LYPD6: variants seen among roughly 807,000 people sequenced by gnomAD.
LYPD6 encodes the protein ly6/PLAUR domain-containing protein 6.
Under a neutral mutation model 22.7 loss-of-function variants are expected in LYPD6, and 15 were observed. The ratio of observed to expected loss-of-function variants is 0.66; its 90% CI spans 0.44 to 1.02. The LOEUF (loss-of-function observed/expected upper bound fraction) is 1.02, where lower values mean the gene tolerates loss of function less well. LYPD6 is among the 50% of genes least tolerant of loss of function. The pLI, the probability that LYPD6 is intolerant of heterozygous loss-of-function variation, is 0.00. For missense variants in LYPD6, 189 were observed against 208.4 expected, an observed-to-expected ratio of 0.91 and a Z score of 0.57; for synonymous variants, 72 against 77.5, an observed-to-expected ratio of 0.93 and a Z score of 0.37.
chr2:149,388,126 A>C (rs1406459657), intron 1 of LYPD6, among the ~76,000 whole-genome samples: 1 of 151,892 alleles, frequency 6.6e-6, no homozygotes, highest in East Asian at 1.9e-4. Flanking sequence ...TAGTAACCTA[A>C]ATTTCATTTA....
intron 1 of LYPD6, among the ~76,000 whole-genome samples, chr2:149,418,344 C>T (rs1360366599): frequency 6.6e-6 from 1 of 152,040 alleles, no homozygotes; most frequent in African/African-American, 2.4e-5. Context: ...GGAGTTTATT[C>T]TAAGAAAATA....
chr2:149,366,736 G>T (rs755572558), intron 1 of LYPD6, among the ~76,000 whole-genome samples: 1 of 152,136 alleles, frequency 6.6e-6, no homozygotes, highest in African/African-American at 2.4e-5. Flanking sequence ...CCTATTTATA[G>T]AAGTCAGAAT....
chr2:149,477,309 A>G (rs1681461147), downstream of LYPD6, among the ~76,000 whole-genome samples: 1 of 152,050 alleles, frequency 6.6e-6, no homozygotes. Context: ...CCTTTCTTTA[A>G]AGTCAGATCA....
At chr2:149,366,032 T>C (rs1681655094) in intron 1 of LYPD6, among the ~76,000 whole-genome samples, 1 of 152,324 alleles carries the variant, frequency 6.6e-6, no homozygotes, top group East Asian at 1.9e-4. Context: ...AACTAATGAC[T>C]TACAAGGAAG....
At chr2:149,435,715 A>G (rs1406129132) in intron 1 of LYPD6, among the ~76,000 whole-genome samples, 2 of 152,208 alleles carry the variant, frequency 1.3e-5, no homozygotes, top group Non-Finnish European at 2.9e-5. Flanking sequence ...CCTGGCAGTC[A>G]CATTTATTAA....
intron 1 of LYPD6, among the ~76,000 whole-genome samples, chr2:149,431,356 A>G (rs746910825): frequency 1.1e-3 from 163 of 152,352 alleles, no homozygotes; most frequent in Middle Eastern, 0.01. Context: ...AAGACTTCAT[A>G]TCATCTGAAC....
At chr2:149,363,524 A>C (rs1285962390) in intron 1 of LYPD6, among the ~76,000 whole-genome samples, 1 of 152,136 alleles carries the variant, frequency 6.6e-6, no homozygotes, top group African/African-American at 2.4e-5. Context: ...TATGCAATTT[A>C]TGTGTGCTGT....
Position 149,430,090 on chromosome 2 carries a change from G to A in LYPD6, c.-71-7548G>A, listed in dbSNP as rs190662057. Among the ~76,000 whole-genome samples the A allele has an allele frequency of 6.6e-4, 100 of 152,044 alleles. 1 individual carries two copies. Among genetic ancestry groups the A allele is most frequent in the African/African-American group, 2.3e-3 (94 of 41,470 alleles). The stretch of plus-strand genomic sequence containing the variant: ...TCAATGGAGACATGTGAAAGAATTC[G>A]CAATTGTATTTATTTATTTATTTAT... On this transcript the variant is annotated intron_variant, in intron 1 of 4. Transcript: ENST00000334166.
At chr2:149,357,345 A>G (rs1239209742) in intron 1 of LYPD6, among the ~76,000 whole-genome samples, 2 of 151,408 alleles carry the variant, frequency 1.3e-5, no homozygotes, top group Non-Finnish European at 2.9e-5. Flanking sequence ...GAGGATTTGG[A>G]CACATAGTCT....
chr2:149,463,950 C>G (rs761493772), intron 3 of LYPD6, among the ~76,000 whole-genome samples: 7 of 151,854 alleles, frequency 4.6e-5, no homozygotes, highest in Non-Finnish European at 1.0e-4. Flanking sequence ...AGTTCTGTAT[C>G]TTGATTGGGT....
At chr2:149,406,857 G>A (rs1418047233) in intron 1 of LYPD6, among the ~76,000 whole-genome samples, 1 of 151,612 alleles carries the variant, frequency 6.6e-6, no homozygotes, top group African/African-American at 2.4e-5. Context: ...GCATGATTTT[G>A]CAGTGGCTGG....
intron 1 of LYPD6, among the ~76,000 whole-genome samples, chr2:149,425,182 C>T (rs890886194): frequency 2.0e-5 from 3 of 152,142 alleles, no homozygotes; most frequent in Non-Finnish European, 2.9e-5. Flanking sequence ...CCTCTTCCTG[C>T]GTCTCACATG....
chr2:149,335,745 C>T (rs1681023407), intron 1 of LYPD6, among the ~76,000 whole-genome samples: 1 of 152,064 alleles, frequency 6.6e-6, no homozygotes, highest in Non-Finnish European at 1.5e-5. Context: ...TATCTTTTTT[C>T]TTTTATACCG....
At chr2:149,429,288 G>A (rs1195117642) in intron 1 of LYPD6, among the ~76,000 whole-genome samples, 1 of 152,176 alleles carries the variant, frequency 6.6e-6, no homozygotes, top group Non-Finnish European at 1.5e-5. Context: ...TCTGGAGAAT[G>A]CCTTTGGAAC....
intron 1 of LYPD6, among the ~76,000 whole-genome samples, chr2:149,359,520 G>A (rs898352943): frequency 1.3e-5 from 2 of 152,204 alleles, no homozygotes; most frequent in African/African-American, 4.8e-5. Flanking sequence ...GGAATTTAAT[G>A]ATTGTCTCGT....
intron 3 of LYPD6, among the ~76,000 whole-genome samples, chr2:149,458,908 G>T (rs1039326725): frequency 6.6e-6 from 1 of 152,124 alleles, no homozygotes; most frequent in Non-Finnish European, 1.5e-5. Context: ...TAGAAAATAG[G>T]CTGAGGGGAA....
intron 1 of LYPD6, among the ~76,000 whole-genome samples, chr2:149,428,608 G>C (rs41514344): frequency 0.036 from 5,452 of 152,248 alleles, 337 homozygotes; most frequent in African/African-American, 0.12. Context: ...TAATTGGCCA[G>C]ACTTGGTGAA....
chr2:149,350,491 A>G (rs1681338255), intron 1 of LYPD6, among the ~76,000 whole-genome samples: 2 of 152,152 alleles, frequency 1.3e-5, no homozygotes, highest in Admixed American at 1.3e-4. Flanking sequence ...TGTCCCTTGA[A>G]TCCTGCAGGT....
the LYPD6 span, among the ~76,000 whole-genome samples, chr2:149,485,112 C>A: frequency 6.6e-6 from 1 of 152,014 alleles, no homozygotes; most frequent in African/African-American, 2.4e-5. Flanking sequence ...CAGCACAAGC[C>A]AAAAGGATTC....
Sources: allele counts gnomAD v4.1 joint callset (sites outside exome capture counted in the v4.1 genomes callset), GRCh38; gene constraint gnomAD v4.1.1; transcripts MANE v1.5; gene names NCBI Gene and HGNC (gene_info 2026-07-23, HGNC 2026-07-21).